Variants in SFXN1 observed in about 807,000 individuals in gnomAD.
SFXN1 encodes the protein sideroflexin-1.
SFXN1 carries 32 observed loss-of-function variants against 39.5 expected under a neutral mutation model. The observed-to-expected ratio is 0.81, with a 90% CI of 0.61 to 1.09. The LOEUF is 1.09. Ranked by LOEUF, SFXN1 falls within the 50% of genes least tolerant of loss-of-function variation. The probability of loss-of-function intolerance (pLI) is 0.00; values close to 1 mark genes in which losing one functional copy is unlikely to be tolerated. For synonymous variants in SFXN1, 136 were observed against 146.5 expected (o/e 0.93, Z 0.52); for missense variants, 402 against 407.1 (o/e 0.99, Z 0.11).
At chr5:175,479,448 A>G (rs116493669) in intron 1 of SFXN1, among the ~76,000 whole-genome samples, 2,553 of 152,224 alleles carry the variant, frequency 0.017, 62 homozygotes, top group African/African-American at 0.056. Context: ...AGTCGTAAAT[A>G]CTGCGTTCTC....
intron 1 of SFXN1, among the ~76,000 whole-genome samples, chr5:175,486,892 A>G (rs570361813): frequency 6.6e-6 from 1 of 152,354 alleles, no homozygotes; most frequent in South Asian, 2.1e-4. Flanking sequence ...GTTATTAGGA[A>G]CTAGAATTCT....
intron 2 of SFXN1, among the ~76,000 whole-genome samples, chr5:175,507,845 T>C (rs1424161743): frequency 1.3e-5 from 2 of 152,142 alleles, no homozygotes; most frequent in African/African-American, 4.8e-5. Context: ...TGGTGGCGCA[T>C]GCCTATAGTC....
intron 2 of SFXN1, among the ~76,000 whole-genome samples, chr5:175,505,026 C>T (rs2113317222): frequency 6.6e-6 from 1 of 152,152 alleles, no homozygotes; most frequent in Admixed American, 6.5e-5. Flanking sequence ...TCGCACCCGG[C>T]CAGAACAATT....
chr5:175,509,925 G>A lies in SFXN1; in HGVS notation c.336-184G>A, dbSNP rs1041441052. The stretch of plus-strand genomic sequence containing the variant: ...TTGGTGTTATCTATATCTACGGAAT[G>A]AGGAAACTGATGATCCCAGAGGATA... On this transcript the variant is annotated intron_variant, in intron 3 of 10. Transcript: ENST00000321442. Among the ~76,000 whole-genome samples, 10 of 152,138 alleles carry A rather than the reference G, an allele frequency of 6.6e-5. No homozygotes were observed. The East Asian group carries it at 1.7e-3, about 26-fold the overall frequency.
chr5:175,513,158 G>A (rs182614076), intron 6 of SFXN1, among the ~76,000 whole-genome samples: 150 of 151,874 alleles, frequency 9.9e-4, no homozygotes, highest in African/African-American at 2.4e-3. Context: ...AAAATTGGCC[G>A]GCACACTGTC....
At chr5:175,498,776 G>A (rs762025069) in intron 2 of SFXN1, among the ~76,000 whole-genome samples, 8 of 152,048 alleles carry the variant, frequency 5.3e-5, no homozygotes, top group Non-Finnish European at 1.2e-4. Flanking sequence ...TATGAATACA[G>A]TATATAGGTT....
chr5:175,526,252 A>G (rs1321264865), intron 10 of SFXN1, among the ~76,000 whole-genome samples: 1 of 151,470 alleles, frequency 6.6e-6, no homozygotes, highest in African/African-American at 2.4e-5. Context: ...CTGATTGCAT[A>G]TCTCTTTTTT....
chr5:175,479,557 T>G (rs909503820), intron 1 of SFXN1, among the ~76,000 whole-genome samples: 2 of 152,190 alleles, frequency 1.3e-5, no homozygotes, highest in African/African-American at 4.8e-5. Flanking sequence ...CTTTAGTGTC[T>G]TTTGTCACTA....
At chr5:175,481,702 A>G (rs1759257439) in intron 1 of SFXN1, among the ~76,000 whole-genome samples, 1 of 152,210 alleles carries the variant, frequency 6.6e-6, no homozygotes, top group Admixed American at 6.5e-5. Flanking sequence ...TTGATTCTCC[A>G]TGTCTTCCTG....
intron 2 of SFXN1, among the ~76,000 whole-genome samples, chr5:175,498,857 C>G (rs1759965263): frequency 6.6e-6 from 1 of 152,040 alleles, no homozygotes; most frequent in Non-Finnish European, 1.5e-5. Flanking sequence ...ATGAGACAAA[C>G]AGAAAACAAA....
chr5:175,480,353 A>G (rs1001060724), intron 1 of SFXN1, among the ~76,000 whole-genome samples: 3 of 152,052 alleles, frequency 2.0e-5, no homozygotes, highest in Non-Finnish European at 4.4e-5. Context: ...GTGAGCCGAG[A>G]TCGCGCCACT....
At chr5:175,482,608 C>T (rs944110691) in intron 1 of SFXN1, among the ~76,000 whole-genome samples, 3 of 152,162 alleles carry the variant, frequency 2.0e-5, no homozygotes, top group African/African-American at 4.8e-5. Flanking sequence ...GGAAAACCAG[C>T]TTGTTAATAA....
At chr5:175,496,917 A>G (rs1409464213) in intron 2 of SFXN1, among the ~76,000 whole-genome samples, 1 of 149,858 alleles carries the variant, frequency 6.7e-6, no homozygotes, top group Non-Finnish European at 1.5e-5. Context: ...TTTGAGATGG[A>G]GTCTTGCTCG....
intron 8 of SFXN1, 178 bp from the exon 9 acceptor site, chr5:175,521,741 A>G: frequency 2.0e-6 from 1 of 502,562 alleles, no homozygotes; most frequent in Non-Finnish European, 3.6e-6. Flanking sequence ...TTTACAGATC[A>G]AAGAAGGTTA....
intron 1 of SFXN1, among the ~76,000 whole-genome samples, chr5:175,486,422 C>G (rs546177909): frequency 6.6e-6 from 1 of 152,188 alleles, no homozygotes; most frequent in Non-Finnish European, 1.5e-5. Context: ...AATCATTTTT[C>G]AGACTATCCA....
chr5:175,513,399 G>A (rs1254460773), intron 6 of SFXN1, 64 bp from the exon 7 acceptor site: 14 of 1,523,834 alleles, frequency 9.2e-6, no homozygotes, highest in South Asian at 2.3e-5. Flanking sequence ...TCCCAACATA[G>A]TACTATTTCA....
intron 8 of SFXN1, among the ~76,000 whole-genome samples, chr5:175,520,848 A>G (rs959118617): frequency 1.3e-5 from 2 of 152,134 alleles, no homozygotes; most frequent in Admixed American, 6.5e-5. Context: ...TGCCAAAGAT[A>G]CAGTGTTTTC....
chr5:175,506,645 C>T (rs1014348642), intron 2 of SFXN1, among the ~76,000 whole-genome samples: 1 of 151,986 alleles, frequency 6.6e-6, no homozygotes, highest in African/African-American at 2.4e-5. Context: ...GAATACTATA[C>T]AGTACTTAAA....
intron 7 of SFXN1, 98 bp downstream of exon 7, chr5:175,513,688 T>A: frequency 1.5e-6 from 2 of 1,336,030 alleles, no homozygotes; most frequent in Non-Finnish European, 2.1e-6. Flanking sequence ...CACCTCTTAG[T>A]GGAAATTGCC....
Sources: allele counts gnomAD v4.1 joint callset (sites outside exome capture counted in the v4.1 genomes callset), GRCh38; gene constraint gnomAD v4.1.1; transcripts MANE v1.5; gene names NCBI Gene and HGNC (gene_info 2026-07-23, HGNC 2026-07-21).